The following WWOX variants were observed in gnomAD, a reference collection of about 807,000 sequenced individuals.
WWOX encodes the protein WW domain-containing oxidoreductase.
WWOX carries 69 observed loss-of-function variants against 46.2 expected under a neutral mutation model. The ratio of observed to expected loss-of-function variants is 1.49; its 90% confidence interval spans 1.23 to 1.82. WWOX has a LOEUF of 1.82. Among genes scored for constraint, WWOX ranks in the 40% most tolerant of loss-of-function variants. WWOX has a pLI of 0.00. For missense variants in WWOX, 919 were observed against 542.6 expected (o/e 1.69, Z -6.89); for synonymous variants, 359 against 202.6 (o/e 1.77, Z -6.56).
At chr16:78,773,159 G>A (rs916222371) in intron 8 of WWOX, among the ~76,000 whole-genome samples, 11 of 152,102 alleles carry the variant, frequency 7.2e-5, no homozygotes, top group South Asian at 2.1e-4. Context: ...CGATTTTGTC[G>A]GTATCCTAAG....
At chr16:78,715,460 C>A (rs2048539510) in intron 8 of WWOX, among the ~76,000 whole-genome samples, 1 of 151,382 alleles carries the variant, frequency 6.6e-6, no homozygotes, top group Non-Finnish European at 1.5e-5. Flanking sequence ...CTGACTCCAC[C>A]CCACCCCCAC....
chr16:78,812,280 G>T (rs1333936753), intron 8 of WWOX, among the ~76,000 whole-genome samples: 1 of 152,126 alleles, frequency 6.6e-6, no homozygotes, highest in Non-Finnish European at 1.5e-5. Context: ...ACATTATAGA[G>T]GACATCAGCA....
At chr16:79,195,962 G>A (rs1236350528) in intron 8 of WWOX, among the ~76,000 whole-genome samples, 1 of 152,188 alleles carries the variant, frequency 6.6e-6, no homozygotes, top group African/African-American at 2.4e-5. Context: ...TGGTAAAGAT[G>A]CCTTTGTTTA....
intron 8 of WWOX, among the ~76,000 whole-genome samples, chr16:78,904,859 T>C (rs8062305): frequency 0.16 from 24,412 of 152,102 alleles, 3,554 homozygotes; most frequent in African/African-American, 0.38. Context: ...AAAATAACCA[T>C]TTTTTCTCCT....
chr16:78,289,049 G>C (rs1034795736), intron 5 of WWOX, among the ~76,000 whole-genome samples: 2 of 152,178 alleles, frequency 1.3e-5, no homozygotes, highest in Non-Finnish European at 2.9e-5. Context: ...CCAACAGCTG[G>C]TAGAGCGAGA....
intron 5 of WWOX, among the ~76,000 whole-genome samples, chr16:78,296,186 AC>A (rs1462761322): frequency 6.6e-6 from 1 of 152,152 alleles, no homozygotes; most frequent in Non-Finnish European, 1.5e-5. Context: ...GTAAAGCCTT[AC>A]TTTGAATGTC....
rs1443341367 is a variant in WWOX, at chr16:78,384,561, G to A, written c.517-2299G>A. Among the ~76,000 whole-genome samples, 4 of 152,096 alleles carry A rather than the reference G, an allele frequency of 2.6e-5. No individual in the cohort carries two copies. In the East Asian group the frequency reaches 7.7e-4, roughly 29 times the overall value. On this transcript the variant is annotated intron_variant, in intron 5 of 8. Coordinates refer to ENST00000566780, the MANE Select transcript of WWOX (RefSeq NM_016373.4). The stretch of plus-strand genomic sequence containing the variant: ...GCCTTCAATATTCTTGGTGGCAGTT[G>A]CCCTCTTTATAGGGGGGATGTGGCG...
intron 8 of WWOX, among the ~76,000 whole-genome samples, chr16:78,751,078 A>G (rs867802733): frequency 2.6e-5 from 4 of 152,146 alleles, no homozygotes; most frequent in Middle Eastern, 3.2e-3. Flanking sequence ...TTTATTTTTC[A>G]TAGGGACAAG....
Position 78,115,069 on chromosome 16 carries a change from C to T in WWOX, c.324C>T (p.Asp108=), listed in dbSNP as rs377442022. 52 of 1,614,046 alleles carry T rather than the reference C, an allele frequency of 3.2e-5. No individual in the cohort carries two copies. Among genetic ancestry groups the T allele is most frequent in the Admixed American group, 1.2e-4 (7 of 60,004 alleles). The change falls in exon 4 of 9, where the codon GAC becomes GAT. Residue 108 remains aspartate (D), a synonymous_variant. Coordinates refer to ENST00000566780, the MANE Select transcript of WWOX (RefSeq NM_016373.4). The part of the protein sequence containing the change: ...PTKPTTRQRY[D]GSTTAMEILQ... ...AGCCAACCACCCGGCAAAGATACGA[C>T]GGCAGCACCACTGCCATGGAAATTC...
chr16:78,857,334 G>C (rs1234641077), intron 8 of WWOX, among the ~76,000 whole-genome samples: 1 of 152,168 alleles, frequency 6.6e-6, no homozygotes, highest in African/African-American at 2.4e-5. Flanking sequence ...CATGACATTG[G>C]CAAAAGTTAA....
intron 5 of WWOX, among the ~76,000 whole-genome samples, chr16:78,352,880 A>G (rs2081212554): frequency 6.6e-6 from 1 of 152,200 alleles, no homozygotes; most frequent in African/African-American, 2.4e-5. Flanking sequence ...TGGCTGTACA[A>G]AGAAACTGGA....
intron 8 of WWOX, among the ~76,000 whole-genome samples, chr16:78,791,673 TTCGA>T (rs1342911016): frequency 2.0e-5 from 3 of 151,982 alleles, no homozygotes; most frequent in African/African-American, 7.3e-5. Context: ...AGGTCAGAAG[TTCGA>T]GACCAGCCTG....
chr16:78,733,223 T>G (rs1597510444), intron 8 of WWOX, among the ~76,000 whole-genome samples: 1 of 152,178 alleles, frequency 6.6e-6, no homozygotes, highest in Admixed American at 6.5e-5. Flanking sequence ...TCATTTGCCA[T>G]AAATACAAAG....
At chr16:78,878,738 C>G (rs1226788552) in intron 8 of WWOX, among the ~76,000 whole-genome samples, 1 of 151,958 alleles carries the variant, frequency 6.6e-6, no homozygotes, top group African/African-American at 2.4e-5. Flanking sequence ...TCTATCCTGA[C>G]AATGTTAGTG....
rs866632079 is a variant in WWOX at position 79,112,497 on chromosome 16, C to T, written c.1057-99111C>T. 2.0e-5 allele frequency among the ~76,000 whole-genome samples: 3 copies of T among 152,232 alleles called. No homozygotes were observed. In the East Asian group the frequency reaches 5.8e-4, roughly 29 times the overall value. On this transcript the variant is annotated intron_variant, in intron 8 of 8. Coordinates refer to ENST00000566780, the MANE Select transcript of WWOX (RefSeq NM_016373.4). ...GTGCCTTTTGACCCTTCTCCTTCCC[C>T]CACCCTGCGAGTTCTTCAACAAATA... is the stretch of plus-strand genomic sequence containing the variant.
chr16:78,978,888 G>A (rs987483209), intron 8 of WWOX, among the ~76,000 whole-genome samples: 3 of 152,058 alleles, frequency 2.0e-5, no homozygotes, highest in African/African-American at 7.2e-5. Flanking sequence ...TTTCGGCGGG[G>A]ACACAGATCC....
At chr16:79,104,267 G>A (rs547261548) in intron 8 of WWOX, among the ~76,000 whole-genome samples, 1 of 152,132 alleles carries the variant, frequency 6.6e-6, no homozygotes, top group African/African-American at 2.4e-5. Context: ...GGTCTGTAAG[G>A]ACATTAATAA....
intron 5 of WWOX, among the ~76,000 whole-genome samples, chr16:78,359,338 C>T (rs114079220): frequency 6.6e-6 from 1 of 152,110 alleles, no homozygotes; most frequent in African/African-American, 2.4e-5. Flanking sequence ...ACCTCTAAAG[C>T]TCTCAGGCTA....
At chr16:78,692,384 A>C (rs528204910) in intron 8 of WWOX, among the ~76,000 whole-genome samples, 1 of 152,308 alleles carries the variant, frequency 6.6e-6, no homozygotes, top group African/African-American at 2.4e-5. Flanking sequence ...GTCCTTACCA[A>C]AGTGTACATT....
Sources: allele counts gnomAD v4.1 joint callset (sites outside exome capture counted in the v4.1 genomes callset), GRCh38; gene constraint gnomAD v4.1.1; transcripts MANE v1.5; gene names NCBI Gene and HGNC (gene_info 2026-07-23, HGNC 2026-07-21).